MYT1L: variants seen among roughly 807,000 people sequenced by gnomAD.
MYT1L encodes the protein myelin transcription factor 1 like.
Under a neutral mutation model 126.7 loss-of-function variants are expected in MYT1L, and 12 were observed. That is an observed-to-expected ratio of 0.09 (90% CI 0.06 to 0.15). The LOEUF is 0.15. Among genes scored for constraint, MYT1L ranks in the 10% least tolerant of loss-of-function variants. The pLI, the probability that MYT1L is intolerant of heterozygous loss-of-function variation, is 1.00. For missense variants in MYT1L, 979 were observed against 1,585.2 expected (o/e 0.62, Z 6.49); for synonymous variants, 541 against 604.2 (o/e 0.90, Z 1.53).
At position 1,996,282 on chromosome 2, in the gene MYT1L, C is replaced by T. The variant is rs770088547; in HGVS notation, c.-1+909G>A. Among the ~76,000 whole-genome samples the T allele has an allele frequency of 9.5e-4, 144 of 151,566 alleles. 1 individual carries two copies. The highest frequency in any genetic ancestry group is 1.8e-3 in the Non-Finnish European group (120 of 67,906). ...TGCCTCAGTGTGGACTGTACAGAAC[C>T]GAGTGTAGACAGGCCACCTTTACCT... On this transcript the variant is annotated intron_variant, in intron 5 of 24. Transcript: ENST00000647738.
chr2:2,314,065 T>C (rs1368886004), intron 1 of MYT1L, among the ~76,000 whole-genome samples: 1 of 152,208 alleles, frequency 6.6e-6, no homozygotes, highest in Non-Finnish European at 1.5e-5. Flanking sequence ...TATAGTTATT[T>C]TTGCGTACCA....
intron 1 of MYT1L, among the ~76,000 whole-genome samples, chr2:2,323,581 A>G (rs942295198): frequency 2.6e-5 from 4 of 152,230 alleles, no homozygotes; most frequent in Non-Finnish European, 5.9e-5. Context: ...TTGCAGTAGT[A>G]CAGTCACAGA....
At chr2:2,033,488 A>T (rs2066634260) in intron 4 of MYT1L, among the ~76,000 whole-genome samples, 1 of 152,252 alleles carries the variant, frequency 6.6e-6, no homozygotes, top group Non-Finnish European at 1.5e-5. Flanking sequence ...ACGAGGCAGA[A>T]CTCAGGATGG....
intron 2 of MYT1L, among the ~76,000 whole-genome samples, chr2:2,189,807 C>A (rs563051790): frequency 1.4e-3 from 205 of 149,990 alleles, no homozygotes; most frequent in Non-Finnish European, 2.4e-3. Flanking sequence ...TTCTCAGGAC[C>A]GCACGGGGAG....
chr2:2,188,187 G>A (rs2092343355), intron 2 of MYT1L, among the ~76,000 whole-genome samples: 1 of 152,048 alleles, frequency 6.6e-6, no homozygotes, highest in Non-Finnish European at 1.5e-5. Flanking sequence ...CTATATTTGT[G>A]TATGAACCTA....
intron 4 of MYT1L, among the ~76,000 whole-genome samples, chr2:2,009,397 T>G (rs993205726): frequency 5.3e-5 from 8 of 152,220 alleles, no homozygotes; most frequent in South Asian, 2.1e-4. Context: ...TGTTTTATAG[T>G]TTTTGGTGTA....
At chr2:1,855,731 A>G (rs2043833446) in intron 18 of MYT1L, among the ~76,000 whole-genome samples, 2 of 152,224 alleles carry the variant, frequency 1.3e-5, no homozygotes, top group Non-Finnish European at 2.9e-5. Flanking sequence ...AACTGGAGAA[A>G]GAAGATGATG....
intron 15 of MYT1L, among the ~76,000 whole-genome samples, chr2:1,890,705 T>A (rs2048754208): frequency 6.6e-6 from 1 of 152,036 alleles, no homozygotes; most frequent in South Asian, 2.1e-4. Flanking sequence ...AGAGTGACAC[T>A]CTCCTTAGCA....
chr2:1,805,411 C>A (rs1455231921), intron 22 of MYT1L, among the ~76,000 whole-genome samples: 2 of 152,252 alleles, frequency 1.3e-5, no homozygotes, highest in Non-Finnish European at 2.9e-5. Flanking sequence ...TCTTGTTACA[C>A]TGAAGGTATA....
Position 1,983,000 on chromosome 2 carries a change from C to T in MYT1L, c.1-3223G>A, listed in dbSNP as rs1395684533. Among the ~76,000 whole-genome samples the T allele has an allele frequency of 1.4e-4, 22 of 152,188 alleles. 1 individual carries two copies. Among genetic ancestry groups the T allele is most frequent in the Admixed American group, 1.4e-3 (22 of 15,278 alleles). ...GTTTTATTTTTACAATTAAATTCTTCATCCTTTCAGTATTTTTTATGCATA... is the reference window on the plus strand; with the variant it reads ...GTTTTATTTTTACAATTAAATTCTTTATCCTTTCAGTATTTTTTATGCATA... On this transcript the variant is annotated intron_variant, in intron 5 of 24. Transcript: ENST00000647738.
intron 1 of MYT1L, among the ~76,000 whole-genome samples, chr2:2,298,071 A>T (rs145812962): frequency 2.2e-3 from 330 of 152,330 alleles, no homozygotes; most frequent in African/African-American, 7.8e-3. Context: ...GCCCTAACAA[A>T]GCTATGCTGT....
intron 3 of MYT1L, among the ~76,000 whole-genome samples, chr2:2,134,573 G>A (rs1370249099): frequency 6.6e-6 from 1 of 152,114 alleles, no homozygotes; most frequent in Non-Finnish European, 1.5e-5. Context: ...CCTTTAGATG[G>A]AATTAGTGCC....
chr2:2,200,663 T>TAG (rs141834965), intron 2 of MYT1L, among the ~76,000 whole-genome samples: 6 of 150,568 alleles, frequency 4.0e-5, no homozygotes, highest in Non-Finnish European at 7.4e-5. Flanking sequence ...ACCACACCCA[T>TAG]AGAGAGAGAG....
chr2:1,799,472 C>T (rs1425425527), intron 23 of MYT1L, among the ~76,000 whole-genome samples: 3 of 152,214 alleles, frequency 2.0e-5, no homozygotes, highest in African/African-American at 7.2e-5. Context: ...TCAGAGCTGC[C>T]GTCTATCCCT....
chr2:2,006,516 C>T (rs537392836), intron 4 of MYT1L, among the ~76,000 whole-genome samples: 28 of 152,134 alleles, frequency 1.8e-4, no homozygotes, highest in Non-Finnish European at 3.5e-4. Context: ...TATATCTCCC[C>T]ATCACCCCCC....
intron 3 of MYT1L, among the ~76,000 whole-genome samples, chr2:2,127,879 G>T (rs777015221): frequency 6.6e-6 from 1 of 152,220 alleles, no homozygotes; most frequent in Non-Finnish European, 1.5e-5. Context: ...CAAAGAATAG[G>T]GTTTGAATTC....
rs116687099 is a variant in MYT1L, at chr2:1,812,107, C to T, written c.3081-2940G>A. Among the ~76,000 whole-genome samples the T allele has an allele frequency of 9.2e-3, 1,408 of 152,294 alleles. 26 individuals are homozygous for T. The highest frequency in any genetic ancestry group is 0.031 in the African/African-American group (1,306 of 41,546). On this transcript the variant is annotated intron_variant, in intron 21 of 24. Transcript: ENST00000647738. Reference sequence around the variant, plus strand: ...ACACATCTTCCTGCAGGTGTGTCTGCGCTTTGGCCCCCGCATCCAGGTAGA... The same window carrying T: ...ACACATCTTCCTGCAGGTGTGTCTGTGCTTTGGCCCCCGCATCCAGGTAGA...
At chr2:1,845,266 C>T (rs1351779787) in intron 19 of MYT1L, among the ~76,000 whole-genome samples, 3 of 152,096 alleles carry the variant, frequency 2.0e-5, no homozygotes. Flanking sequence ...GAGCTACCAC[C>T]GCACCCAGCC....
intron 9 of MYT1L, among the ~76,000 whole-genome samples, chr2:1,935,293 A>G (rs1026398843): frequency 5.9e-5 from 9 of 152,130 alleles, no homozygotes; most frequent in Non-Finnish European, 1.2e-4. Context: ...TTGTGTCTGC[A>G]TGCAACCCAG....
Sources: allele counts gnomAD v4.1 joint callset (sites outside exome capture counted in the v4.1 genomes callset), GRCh38; gene constraint gnomAD v4.1.1; transcripts MANE v1.5; gene names NCBI Gene and HGNC (gene_info 2026-07-23, HGNC 2026-07-21).